Variants in POGZ observed in about 807,000 individuals in gnomAD.
The protein encoded by POGZ is pogo transposable element derived with ZNF domain.
A neutral mutation model predicts 134.6 loss-of-function variants in POGZ; 17 were observed. The ratio of observed to expected loss-of-function variants is 0.13; its 90% CI spans 0.09 to 0.19. POGZ has a LOEUF of 0.19. Ranked by LOEUF, POGZ falls within the 10% of genes least tolerant of loss-of-function variation. The pLI is 1.00. For missense variants in POGZ, 1,306 were observed against 1,769.7 expected (o/e 0.74, Z 4.70); for synonymous variants, 693 against 657.1 (o/e 1.05, Z -0.84).
At chr1:151,446,266 A>C (rs943239176) in intron 1 of POGZ, among the ~76,000 whole-genome samples, 3 of 133,236 alleles carry the variant, frequency 2.3e-5, no homozygotes, top group South Asian at 2.6e-4. Context: ...AAAAAAAAAA[A>C]AAAAAAAACG....
intron 12 of POGZ, among the ~76,000 whole-genome samples, chr1:151,409,416 C>T (rs924592864): frequency 6.6e-6 from 1 of 151,996 alleles, no homozygotes; most frequent in African/African-American, 2.4e-5. Context: ...TCTCTGTAGC[C>T]CAGGCTGGAG....
intron 10 of POGZ, among the ~76,000 whole-genome samples, chr1:151,418,518 G>A (rs1189240903): frequency 6.6e-6 from 1 of 152,148 alleles, no homozygotes; most frequent in Non-Finnish European, 1.5e-5. Flanking sequence ...AGACCTAGTA[G>A]ATCAGTAGGG....
At chr1:151,427,715 T>C (rs1658005029) in intron 7 of POGZ, 108 bp downstream of exon 7, 16 of 767,578 alleles carry the variant, frequency 2.1e-5, no homozygotes, top group South Asian at 1.6e-4. Context: ...CTACAGCAGC[T>C]GTATTTTATT....
At chr1:151,425,388 C>T (rs920046673) in intron 7 of POGZ, 2 of 171,112 alleles carry the variant, frequency 1.2e-5, no homozygotes, top group African/African-American at 4.8e-5. Context: ...AAATCCAGCC[C>T]AGCTACCAGT....
intron 3 of POGZ, chr1:151,440,717 T>C (rs542169217): frequency 1.1e-5 from 4 of 365,594 alleles, no homozygotes; most frequent in Non-Finnish European, 2.0e-5. Context: ...GCTCTCTCAC[T>C]TGAAACACCA....
Position 151,428,259 on chromosome 1 carries a change from G to A in POGZ, c.723C>T (p.Val241=). Residue 241 remains valine, a synonymous_variant, in exon 6 of 19, where the codon GTC becomes GTT. Coordinates refer to ENST00000271715, the MANE Select transcript of POGZ (RefSeq NM_015100.4). The stretch of plus-strand genomic sequence containing the variant: ...TGGTCTGCTGGGACTGGGACTGTGG[G>A]ACGGTGCTTCGAATGGTAAGAGTGG... The part of the protein sequence containing the change: ...IPATLTIRST[V]PQSQSQQTKS... 6.2e-7 allele frequency: 1 copy of A among 1,614,170 alleles called. No individual in the cohort carries two copies. Among genetic ancestry groups the A allele is most frequent in the Non-Finnish European group, 8.5e-7 (1 of 1,180,004 alleles).
chr1:151,424,040 C>T lies in POGZ; in HGVS notation c.1432G>A (p.Gly478Ser), dbSNP rs1437467572. Residue 478 changes from glycine (G) to serine (S), a missense_variant, in exon 9 of 19, where the codon GGT becomes AGT. Gly to Ser is a moderately conservative substitution (Grantham distance 56). This residue lies in a region of POGZ where 541 missense variants were observed against 680.5 expected (regional missense o/e 0.80). Coordinates refer to ENST00000271715, the MANE Select transcript of POGZ (RefSeq NM_015100.4). ...LVDDFYYGRD[G>S]GKVAQLTNFP... ...TTTGTGAGCTGGGCTACTTTGCCAC[C>T]ATCCCGTCCATAGTAGAAGTCATCT... 1 of 1,614,096 alleles carries T rather than the reference C, an allele frequency of 6.2e-7. No individual in the cohort carries two copies. Among genetic ancestry groups the T allele is most frequent in the Admixed American group, 1.7e-5 (1 of 60,008 alleles).
In POGZ at chr1:151,406,668, T is replaced by G. The variant is rs372514491; in HGVS notation, c.2546-37A>C. The G allele has an allele frequency of 1.1e-4, 179 of 1,583,500 alleles. 1 individual carries two copies. Among genetic ancestry groups the G allele is most frequent in the Middle Eastern group, 2.3e-4 (1 of 4,360 alleles). On this transcript the variant is annotated intron_variant, in intron 17 of 18. Coordinates refer to ENST00000271715, the MANE Select transcript of POGZ (RefSeq NM_015100.4). ...GAAACAACAAAAATAGTTAGCTCAG[T>G]GAAAAAATAAGCCCTCCAAAGACAG... is the stretch of plus-strand genomic sequence containing the variant.
Position 151,403,109 on chromosome 1 carries a change from GGTT to G in POGZ, c.*1690_*1692del. 3 of 529,206 alleles carry G rather than the reference GGTT, an allele frequency of 5.7e-6. No homozygotes were observed. Among genetic ancestry groups the G allele is most frequent in the Non-Finnish European group, 7.3e-6 (3 of 412,880 alleles). 32.8% of individuals were successfully genotyped at this position (529,206 alleles called of 1,614,324 possible). On this transcript the variant is annotated 3_prime_UTR_variant, in exon 19 of 19. Coordinates refer to ENST00000271715, the MANE Select transcript of POGZ (RefSeq NM_015100.4). ...GGAAGAGAAGCCCAGATGGATCCTT[GGTT>G]GTTTTCAGATGTCAAAGGTTCACAA... is the stretch of plus-strand genomic sequence containing the variant.
intron 10 of POGZ, among the ~76,000 whole-genome samples, chr1:151,421,748 T>C (rs1237727791): frequency 2.6e-5 from 4 of 152,126 alleles, no homozygotes; most frequent in Non-Finnish European, 4.4e-5. Context: ...ATAACAGATA[T>C]TCTTATTGTT....
At chr1:151,417,119 A>C (rs913418541) in intron 10 of POGZ, among the ~76,000 whole-genome samples, 2 of 150,420 alleles carry the variant, frequency 1.3e-5, no homozygotes, top group African/African-American at 4.9e-5. Flanking sequence ...GGTGGAGTGC[A>C]ATGGTGCGAT....
Position 151,430,663 on chromosome 1 carries a change from C to A in POGZ, c.459+3G>T. ...CAACCTTGGAATTCAGAGTCCTACT[C>A]ACCTGCGTAGTGATAAATATTGGTT... On this transcript the variant is annotated splice_donor_region_variant and intron_variant, in intron 4 of 18. Transcript: ENST00000271715. The A allele has an allele frequency of 1.2e-6, 2 of 1,601,702 alleles. No homozygotes were observed. The highest frequency in any genetic ancestry group is 1.1e-5 in the South Asian group (1 of 90,312).
intron 1 of POGZ, among the ~76,000 whole-genome samples, chr1:151,449,582 TA>T (rs1661756112): frequency 6.6e-6 from 1 of 152,096 alleles, no homozygotes; most frequent in East Asian, 1.9e-4. Context: ...CATAAAGAAC[TA>T]TCATTTCTTT....
At chr1:151,440,907 T>C (rs370513062) in intron 3 of POGZ, 21 bp downstream of exon 3, 306 of 1,602,174 alleles carry the variant, frequency 1.9e-4, no homozygotes, top group Non-Finnish European at 2.5e-4. Flanking sequence ...AGGATTATTA[T>C]TTCCCAATAA....
chr1:151,428,188 G>A lies in POGZ; in HGVS notation c.794C>T (p.Thr265Ile), dbSNP rs1476293577. ...TSTTPTATQP[T>I]SLGQLAVQSP... ...CTGAACAGCTAGTTGCCCCAGTGAG[G>A]TTGGCTGTGTGGCAGTGGGAGTGGT... The change falls in exon 6 of 19, where the codon ACC becomes ATC. Residue 265 changes from threonine to isoleucine, a missense_variant. Thr to Ile is a moderately conservative substitution (Grantham distance 89, BLOSUM62 -1). Coordinates refer to ENST00000271715, the MANE Select transcript of POGZ (RefSeq NM_015100.4). 6.2e-7 allele frequency: 1 copy of A among 1,614,076 alleles called. No homozygotes were observed. The highest frequency in any genetic ancestry group is 8.5e-7 in the Non-Finnish European group (1 of 1,180,046).
chr1:151,434,621 T>C (rs770495173), intron 3 of POGZ, among the ~76,000 whole-genome samples: 5 of 152,216 alleles, frequency 3.3e-5, no homozygotes, highest in African/African-American at 4.8e-5. Context: ...TCTTGCTCTG[T>C]CACCAGGGTG....
At position 151,429,690 on chromosome 1, in the gene POGZ, G is replaced by A; in HGVS notation, c.481C>T (p.Arg161Trp). The change falls in exon 5 of 19, where the codon CGG becomes TGG. Residue 161 changes from arginine (R) to tryptophan (W), a missense_variant. Transcript: ENST00000271715. ...TGATTCATTGCATTTTGTACAGGCC[G>A]GACATTCCTTACAGGAAATCCCTGT... is the stretch of plus-strand genomic sequence containing the variant. ...TTQGFPVRNV[R>W]PVQNAMNQVG... 6.2e-7 allele frequency: 1 copy of A among 1,610,762 alleles called. No individual in the cohort carries two copies. The highest frequency in any genetic ancestry group is 8.5e-7 in the Non-Finnish European group (1 of 1,177,336).
chr1:151,458,765 C>T (rs1201229358), intron 1 of POGZ, among the ~76,000 whole-genome samples: 5 of 145,182 alleles, frequency 3.4e-5, no homozygotes, highest in African/African-American at 9.9e-5. Flanking sequence ...TCGCGCCGAG[C>T]GTGCGTGTGG....
chr1:151,405,279 C>A lies in POGZ; in HGVS notation c.3756G>T (p.Val1252=). The A allele has an allele frequency of 1.2e-6, 2 of 1,614,222 alleles. No homozygotes were observed. The highest frequency in any genetic ancestry group is 1.7e-6 in the Non-Finnish European group (2 of 1,180,042). ...TTTTGGAGCTACAGCCTGCTGGGAC[C>A]ACTGCAGGCAAAGTGCTAGAGGCAC... is the stretch of plus-strand genomic sequence containing the variant. The part of the protein sequence containing the change: ...MLSASSTLPA[V]VPAGCSSKIQ... The change falls in exon 19 of 19, where the codon GTG becomes GTT. Residue 1252 remains valine, a synonymous_variant. Coordinates refer to ENST00000271715, the MANE Select transcript of POGZ (RefSeq NM_015100.4). The surrounding 1 kb of genome is among the most constrained non-coding windows in gnomAD (Gnocchi z 4.9).
Sources: gnomAD v4.1 joint callset for allele counts (sites outside exome capture counted in the v4.1 genomes callset) on GRCh38, gnomAD v4.1.1 for gene constraint, gnomAD v4.1.1 regional missense constraint, Gnocchi (gnomAD v3.1) non-coding constraint, MANE v1.5 for transcripts, NCBI Gene and HGNC (gene_info 2026-07-23, HGNC 2026-07-21) for gene names.